Variants in RNPC3 observed in about 807,000 individuals in gnomAD.
RNPC3 encodes RNA-binding region-containing protein 3.
Under a neutral mutation model 67.5 loss-of-function variants are expected in RNPC3, and 48 were observed. The observed-to-expected ratio is 0.71, with a 90% CI of 0.56 to 0.90. The LOEUF is 0.90. RNPC3 is among the 40% of genes least tolerant of loss of function. RNPC3 has a pLI of 0.00. For missense variants in RNPC3, 637 were observed against 626.1 expected, an observed-to-expected ratio of 1.02 and a Z score of -0.19; for synonymous variants, 239 against 210.3, an observed-to-expected ratio of 1.14 and a Z score of -1.18.
At chr1:103,526,298 C>T in intron 1 of RNPC3, 36 bp downstream of exon 1, 1 of 1,481,630 alleles carries the variant, frequency 6.7e-7, no homozygotes, top group Non-Finnish European at 9.0e-7. Flanking sequence ...CCCGGGAAGG[C>T]ATTTGGGAAG....
At chr1:103,537,273 A>AT (rs1341615424) in intron 6 of RNPC3, 69 bp from the exon 7 acceptor site, 13 of 1,068,040 alleles carry the variant, frequency 1.2e-5, no homozygotes, top group African/African-American at 1.6e-5. Context: ...AGAATGAAGT[A>AT]TTCAGATGGA....
At chr1:103,529,871 A>T (rs1351908929) in intron 2 of RNPC3, among the ~76,000 whole-genome samples, 1 of 152,142 alleles carries the variant, frequency 6.6e-6, no homozygotes, top group African/African-American at 2.4e-5. Context: ...CAGGCTGAGG[A>T]AGCTTTATCT....
chr1:103,527,570 T>C, intron 1 of RNPC3, 125 bp from the exon 2 acceptor site: 1 of 737,786 alleles, frequency 1.4e-6, no homozygotes, highest in Non-Finnish European at 2.3e-6. Flanking sequence ...TTAAATGGTC[T>C]TGAGTTTTCA....
At chr1:103,543,515 A>C in intron 9 of RNPC3, 68 bp downstream of exon 9, 9 of 1,136,192 alleles carry the variant, frequency 7.9e-6, no homozygotes, top group Non-Finnish European at 1.0e-5. Context: ...TTTTACATAT[A>C]ATGTTTCATA....
At chr1:103,527,478 T>C (rs1456040388) in intron 1 of RNPC3, among the ~76,000 whole-genome samples, 1 of 152,224 alleles carries the variant, frequency 6.6e-6, no homozygotes, top group Non-Finnish European at 1.5e-5. Context: ...CGTGTGTCTT[T>C]ATATGATAGA....
intron 12 of RNPC3, among the ~76,000 whole-genome samples, chr1:103,548,349 A>G (rs1651297638): frequency 6.6e-6 from 1 of 152,134 alleles, no homozygotes; most frequent in Non-Finnish European, 1.5e-5. Flanking sequence ...ACAGCACCCA[A>G]GTCACCTCTT....
In RNPC3 at chr1:103,551,088, C is replaced by CA. The variant is rs1557761979; in HGVS notation, c.1494+16dup. 6.3e-7 allele frequency: 1 copy of CA among 1,578,238 alleles called. No individual in the cohort carries two copies. Among genetic ancestry groups the CA allele is most frequent in the Non-Finnish European group, 8.6e-7 (1 of 1,161,704 alleles). Reference sequence around the variant, plus strand: ...CCATGGTGGTTGTATCCTTTAAATCCATCTATTTCAAAACTATATAATTTT... The same window carrying CA: ...CCATGGTGGTTGTATCCTTTAAATCCAATCTATTTCAAAACTATATAATTTT... On this transcript the variant is annotated intron_variant, in intron 13 of 14. Coordinates refer to ENST00000423855, the MANE Select transcript of RNPC3 (RefSeq NM_017619.4).
intron 14 of RNPC3, chr1:103,554,548 A>T (rs1483721210): frequency 6.6e-6 from 1 of 152,590 alleles, no homozygotes; most frequent in African/African-American, 2.4e-5. Flanking sequence ...GAACTAATAC[A>T]TCTGAATCTC....
intron 13 of RNPC3, 80 bp from the exon 14 acceptor site, chr1:103,551,637 ACCAT>A: frequency 2.4e-6 from 2 of 832,800 alleles, no homozygotes; most frequent in Non-Finnish European, 3.8e-6. Flanking sequence ...CCATACTCCC[ACCAT>A]ACACTAGAAA....
At chr1:103,535,974 T>A (rs1341301161) in intron 5 of RNPC3, among the ~76,000 whole-genome samples, 152 bp from the exon 6 acceptor site, 3 of 152,102 alleles carry the variant, frequency 2.0e-5, no homozygotes, top group Non-Finnish European at 4.4e-5. Flanking sequence ...AATGCCTTGT[T>A]TTACCTTATG....
intron 14 of RNPC3, chr1:103,552,025 A>C (rs1009441287): frequency 9.7e-6 from 3 of 310,338 alleles, no homozygotes; most frequent in African/African-American, 6.5e-5. Flanking sequence ...TGTGCCTGTT[A>C]CTCTTTTTTT....
intron 12 of RNPC3, among the ~76,000 whole-genome samples, chr1:103,549,264 GATAAA>G (rs1477675092): frequency 6.6e-6 from 1 of 152,148 alleles, no homozygotes. Context: ...TTTGAGTGCA[GATAAA>G]ATAAAGAAGT....
intron 2 of RNPC3, among the ~76,000 whole-genome samples, chr1:103,530,240 C>G (rs1650816544): frequency 6.6e-6 from 1 of 151,934 alleles, no homozygotes; most frequent in Non-Finnish European, 1.5e-5. Flanking sequence ...GGGAGACAGA[C>G]AATAAATAAT....
chr1:103,530,774 T>G (rs1475097738), intron 2 of RNPC3, among the ~76,000 whole-genome samples: 2 of 152,198 alleles, frequency 1.3e-5, no homozygotes, highest in Non-Finnish European at 2.9e-5. Context: ...ATGGTTGCCT[T>G]GACCACAATG....
intron 12 of RNPC3, among the ~76,000 whole-genome samples, chr1:103,547,525 T>C (rs1426870504): frequency 6.6e-6 from 1 of 152,218 alleles, no homozygotes; most frequent in Non-Finnish European, 1.5e-5. Context: ...GTAGGACTCA[T>C]GAATTTGTTT....
intron 4 of RNPC3, among the ~76,000 whole-genome samples, chr1:103,535,073 A>T (rs973351938): frequency 6.6e-6 from 1 of 152,030 alleles, no homozygotes; most frequent in Admixed American, 6.6e-5. Context: ...TTGAATAAAC[A>T]TTTTGAGTTG....
chr1:103,554,470 T>C (rs188446077), intron 14 of RNPC3: 87 of 152,734 alleles, frequency 5.7e-4, no homozygotes, highest in African/African-American at 2.0e-3. Context: ...CTGATTTTAA[T>C]ATACAAACAA....
intron 7 of RNPC3, among the ~76,000 whole-genome samples, chr1:103,539,845 A>G (rs1323229282): frequency 1.3e-5 from 2 of 152,020 alleles, no homozygotes; most frequent in African/African-American, 2.4e-5. Flanking sequence ...GCTTAGTGAC[A>G]CCTTTGCTTG....
At chr1:103,553,847 A>G (rs1366047222) in intron 14 of RNPC3, 1 of 152,226 alleles carries the variant, frequency 6.6e-6, no homozygotes, top group African/African-American at 2.4e-5. Flanking sequence ...TAGCAATAGA[A>G]GTATCTTTCT....
Sources: gnomAD v4.1 joint callset for allele counts (sites outside exome capture counted in the v4.1 genomes callset) on GRCh38, gnomAD v4.1.1 for gene constraint, MANE v1.5 for transcripts, NCBI Gene and HGNC (gene_info 2026-07-23, HGNC 2026-07-21) for gene names.